Variants in BCO1 observed in about 807,000 individuals in gnomAD.
BCO1 encodes beta,beta-carotene 15,15'-dioxygenase.
Under a neutral mutation model 56.3 loss-of-function variants are expected in BCO1, and 54 were observed. The observed-to-expected ratio is 0.96, with a 90% CI of 0.77 to 1.20. The LOEUF (loss-of-function observed/expected upper bound fraction) is 1.20. Ranked by LOEUF, BCO1 falls within the 50% of genes most tolerant of loss-of-function variation. BCO1 has a pLI of 0.00. For synonymous variants in BCO1, 318 were observed against 266.1 expected, an observed-to-expected ratio of 1.20 and a Z score of -1.90; for missense variants, 801 against 690.9, an observed-to-expected ratio of 1.16 and a Z score of -1.79.
chr16:81,269,689 G>C (rs1342792982), intron 6 of BCO1, among the ~76,000 whole-genome samples: 1 of 152,094 alleles, frequency 6.6e-6, no homozygotes, highest in African/African-American at 2.4e-5. Flanking sequence ...GGCTAGTCTT[G>C]AACTCCTGAC....
Position 81,245,613 on chromosome 16 carries a change from C to T in BCO1, c.193+10C>T. 6.2e-7 allele frequency: 1 copy of T among 1,614,112 alleles called. No homozygotes were observed. The highest frequency in any genetic ancestry group is 8.5e-7 in the Non-Finnish European group (1 of 1,180,006). On this transcript the variant is annotated intron_variant, in intron 2 of 10. Coordinates refer to ENST00000258168, the MANE Select transcript of BCO1 (RefSeq NM_017429.3). Reference sequence around the variant, plus strand: ...TTCACCATCAGAGACGGTGAGAACACCCACGAGTGTGCTGCCACTGCTGCA... The same window carrying T: ...TTCACCATCAGAGACGGTGAGAACATCCACGAGTGTGCTGCCACTGCTGCA...
At position 81,262,266 on chromosome 16, in the gene BCO1, C is replaced by G. The variant is rs1434161074; in HGVS notation, c.454C>G (p.Leu152Val). 2 of 1,613,674 alleles carry G rather than the reference C, an allele frequency of 1.2e-6. No individual in the cohort carries two copies. The highest frequency in any genetic ancestry group is 2.2e-5 in the South Asian group (2 of 91,072). ...NYIRKINPQT[L>V]ETLEKVDYRK... ...CATCAGGAAAATCAACCCACAGACT[C>G]TGGAAACCCTGGAGAAGGTATCAAC... The change falls in exon 4 of 11, where the codon CTG becomes GTG. Residue 152 changes from leucine to valine, a missense_variant. By Grantham distance (32) the Leu-to-Val change is conservative. Transcript: ENST00000258168.
At chr16:81,268,948 T>C (rs2070859342) in intron 6 of BCO1, among the ~76,000 whole-genome samples, 1 of 151,890 alleles carries the variant, frequency 6.6e-6, no homozygotes, top group African/African-American at 2.4e-5. Context: ...TGTTGTTTTG[T>C]AGAGATTGGG....
chr16:81,240,137 T>C (rs959836521), intron 1 of BCO1, among the ~76,000 whole-genome samples: 5 of 152,054 alleles, frequency 3.3e-5, no homozygotes, highest in African/African-American at 1.2e-4. Flanking sequence ...GCTATCAATC[T>C]GTATATATAT....
In BCO1 at chr16:81,262,283, G is replaced by A. The variant is rs749838835; in HGVS notation, c.471G>A (p.Lys157=). ...INPQTLETLE[K]VDYRKYVAVN... ...CACAGACTCTGGAAACCCTGGAGAA[G>A]GTATCAACACATATGTAACCAGCAT... The change falls in exon 4 of 11, where the codon AAG becomes AAA. Residue 157 remains lysine (K), a splice_region_variant and synonymous_variant. Coordinates refer to ENST00000258168, the MANE Select transcript of BCO1 (RefSeq NM_017429.3). 1 of 1,612,700 alleles carries A rather than the reference G, an allele frequency of 6.2e-7. No homozygotes were observed. Among genetic ancestry groups the A allele is most frequent in the Non-Finnish European group, 8.5e-7 (1 of 1,178,838 alleles).
intron 2 of BCO1, among the ~76,000 whole-genome samples, chr16:81,248,385 A>G (rs1905557229): frequency 7.2e-6 from 1 of 139,418 alleles, no homozygotes; most frequent in Non-Finnish European, 1.5e-5. Context: ...CCTGGGCAAC[A>G]AGAGCGAGGC....
At chr16:81,289,067 G>A (rs1052125356) in intron 10 of BCO1, among the ~76,000 whole-genome samples, 6 of 152,124 alleles carry the variant, frequency 3.9e-5, no homozygotes, top group East Asian at 1.9e-4. Flanking sequence ...TTTTACCAAT[G>A]GGATGCTCAG....
intron 7 of BCO1, among the ~76,000 whole-genome samples, chr16:81,275,865 C>T (rs1427260733): frequency 6.6e-6 from 1 of 152,052 alleles, no homozygotes; most frequent in Non-Finnish European, 1.5e-5. Flanking sequence ...CACCGTGGGC[C>T]TGTTTACGCA....
intron 6 of BCO1, 114 bp from the exon 7 acceptor site, chr16:81,270,045 G>A: frequency 7.4e-7 from 1 of 1,343,930 alleles, no homozygotes; most frequent in Non-Finnish European, 1.1e-6. Flanking sequence ...TGCAGAATGG[G>A]GACATAGTCC....
At chr16:81,250,578 C>CTTTTTTTTTTTTTTTT (rs530676028) in intron 2 of BCO1, among the ~76,000 whole-genome samples, 11 of 105,488 alleles carry the variant, frequency 1.0e-4, no homozygotes, top group African/African-American at 1.9e-4. Flanking sequence ...CTCAATAAAG[C>CTTTTTTTTTTTTTTTT]TTTTTTTTTT....
intron 5 of BCO1, among the ~76,000 whole-genome samples, chr16:81,267,278 G>A (rs1479251095): frequency 6.6e-6 from 1 of 152,040 alleles, no homozygotes; most frequent in African/African-American, 2.4e-5. Context: ...CTATAAAATG[G>A]CCATTCTACA....
At chr16:81,281,035 A>G in intron 8 of BCO1, 73 bp downstream of exon 8, 2 of 1,083,240 alleles carry the variant, frequency 1.8e-6, no homozygotes, top group East Asian at 2.5e-5. Context: ...GCCTCTTTAC[A>G]TAATAATTCC....
chr16:81,259,392 G>T (rs1174847349), intron 2 of BCO1, among the ~76,000 whole-genome samples: 1 of 152,124 alleles, frequency 6.6e-6, no homozygotes, highest in Non-Finnish European at 1.5e-5. Flanking sequence ...CACTCAGGAG[G>T]CTGAGTCAGG....
In BCO1 at chr16:81,287,833, G is replaced by A. The variant is rs556284013; in HGVS notation, c.1414+427G>A. Reference sequence around the variant, plus strand: ...AGCACTGACTTCTCCCGACAATGACGTATGACAATACTCACCGAGTATTAC... The same window carrying A: ...AGCACTGACTTCTCCCGACAATGACATATGACAATACTCACCGAGTATTAC... On this transcript the variant is annotated intron_variant, in intron 10 of 10. Coordinates refer to ENST00000258168, the MANE Select transcript of BCO1 (RefSeq NM_017429.3). 3.3e-5 allele frequency among the ~76,000 whole-genome samples: 5 copies of A among 152,228 alleles called. No individual in the cohort carries two copies. The South Asian group carries it at 6.2e-4, about 19-fold the overall frequency.
At chr16:81,259,427 G>A (rs572596464) in intron 2 of BCO1, among the ~76,000 whole-genome samples, 2 of 152,302 alleles carry the variant, frequency 1.3e-5, no homozygotes, top group South Asian at 2.1e-4. Flanking sequence ...CCAGGAGGCG[G>A]AGGTTGCAGT....
intron 6 of BCO1, among the ~76,000 whole-genome samples, chr16:81,268,493 C>T (rs549240529): frequency 3.3e-5 from 5 of 152,190 alleles, no homozygotes; most frequent in Non-Finnish European, 7.3e-5. Flanking sequence ...GACCCCTTAA[C>T]CATGTCTGCT....
At position 81,269,091 on chromosome 16, in the gene BCO1, G is replaced by A. The variant is rs777464170; in HGVS notation, c.843+960G>A. Among the ~76,000 whole-genome samples, 7 of 85,332 alleles carry A rather than the reference G, an allele frequency of 8.2e-5. No individual in the cohort carries two copies. The South Asian group carries it at 9.7e-4, about 12-fold the overall frequency. 56.0% of individuals were successfully genotyped at this position (85,332 alleles called of 152,430 possible). Reference sequence around the variant, plus strand: ...TTTTTTTTTTTTTTTTTTTTTTTGCGTTGTCACTTCACTTTTGTAAAATAT... The same window carrying A: ...TTTTTTTTTTTTTTTTTTTTTTTGCATTGTCACTTCACTTTTGTAAAATAT... On this transcript the variant is annotated intron_variant, in intron 6 of 10. Transcript: ENST00000258168.
intron 7 of BCO1, among the ~76,000 whole-genome samples, 155 bp downstream of exon 7, chr16:81,270,571 T>C (rs1018271111): frequency 6.8e-6 from 1 of 146,796 alleles, no homozygotes; most frequent in Non-Finnish European, 1.5e-5. Context: ...TAGTACCGAT[T>C]CATAATAAAA....
In BCO1 at chr16:81,267,903, GCTAGAGGGCAAGA is replaced by G; in HGVS notation, c.620-4_628del. 6.2e-7 allele frequency: 1 copy of G among 1,613,450 alleles called. No homozygotes were observed. Among genetic ancestry groups the G allele is most frequent in the Non-Finnish European group, 8.5e-7 (1 of 1,179,826 alleles). On this transcript the variant is annotated splice_acceptor_variant and splice_polypyrimidine_tract_variant and coding_sequence_variant and intron_variant, in exon 6 of 11. Transcript: ENST00000258168. LOFTEE classifies it high-confidence loss of function. ...ATTCCTGAGGCTTGCTTTTTGTCTT[GCTAGAGGGCAAGA>G]AGCAGGGGAAGAGCCCCTGGAAGCA...
Sources: allele counts gnomAD v4.1 joint callset (sites outside exome capture counted in the v4.1 genomes callset), GRCh38; gene constraint gnomAD v4.1.1; transcripts MANE v1.5; gene names NCBI Gene and HGNC (gene_info 2026-07-23, HGNC 2026-07-21).